BRD1: variants seen among roughly 807,000 people sequenced by gnomAD.
BRD1 encodes bromodomain-containing protein 1.
In BRD1, 24 loss-of-function variants were observed where a neutral mutation model predicts 107.7. The ratio of observed to expected loss-of-function variants is 0.22; its 90% CI spans 0.16 to 0.31. BRD1 has a LOEUF of 0.31. BRD1 is among the 10% of genes least tolerant of loss of function. The pLI is 1.00. For missense variants in BRD1, 1,279 were observed against 1,638.6 expected, an observed-to-expected ratio of 0.78 and a Z score of 3.79; for synonymous variants, 744 against 686.1, an observed-to-expected ratio of 1.08 and a Z score of -1.32.
At chr22:49,776,482 T>C (rs983437402) in intron 10 of BRD1, among the ~76,000 whole-genome samples, 1 of 152,210 alleles carries the variant, frequency 6.6e-6, no homozygotes, top group African/African-American at 2.4e-5. Context: ...GCTCCCAGCA[T>C]GCTCCTGCCT....
intron 9 of BRD1, 130 bp downstream of exon 9, chr22:49,777,548 T>G: frequency 7.7e-7 from 1 of 1,306,088 alleles, no homozygotes; most frequent in Non-Finnish European, 1.0e-6. Flanking sequence ...AGAGCACACA[T>G]GAATCCCAGG....
At chr22:49,781,925 C>A (rs1300898750) in intron 8 of BRD1, among the ~76,000 whole-genome samples, 4 of 152,032 alleles carry the variant, frequency 2.6e-5, no homozygotes, top group Non-Finnish European at 5.9e-5. Context: ...CGACCCAAGG[C>A]CCATGTTGCT....
In BRD1 at chr22:49,791,366, G is replaced by A. The variant is rs115014892; in HGVS notation, c.2359+2668C>T. On this transcript the variant is annotated intron_variant, in intron 7 of 12. Transcript: ENST00000404760. ...AAGTCTCAGGGGCCTGGCACTCAAC[G>A]GCTACAGCCTTGTTCAAGCTGCTTC... Among the ~76,000 whole-genome samples, 1,401 of 152,318 alleles carry A rather than the reference G, an allele frequency of 9.2e-3. 26 individuals carry two copies. The highest frequency in any genetic ancestry group is 0.033 in the African/African-American group (1,354 of 41,566).
At chr22:49,814,606 T>A (rs1185082083) in intron 2 of BRD1, among the ~76,000 whole-genome samples, 1 of 152,222 alleles carries the variant, frequency 6.6e-6, no homozygotes, top group African/African-American at 2.4e-5. Context: ...AGCACCTGGG[T>A]AGTCCCTGCT....
Position 49,823,388 on chromosome 22 carries a change from C to T in BRD1, c.930G>A (p.Glu310=), listed in dbSNP as rs139378359. The T allele has an allele frequency of 1.4e-5, 23 of 1,613,658 alleles. No homozygotes were observed. In the African/African-American group the frequency reaches 2.5e-4, roughly 18 times the overall value. ...EVGFANTVFI[E]PIDGVRNIPP... is the part of the protein sequence containing the mutation. ...GGATGTTCCTCACCCCATCGATGGG[C>T]TCGATGAACACCGTGTTGGCAAAGC... Residue 310 remains glutamate (E), a synonymous_variant, in exon 2 of 13, where the codon GAG becomes GAA. Coordinates refer to ENST00000404760, the MANE Select transcript of BRD1 (RefSeq NM_001304808.3).
Position 49,782,553 on chromosome 22 carries a change from G to C in BRD1, c.2858-4740C>G, listed in dbSNP as rs374578821. 2.4e-4 allele frequency among the ~76,000 whole-genome samples: 35 copies of C among 144,750 alleles called. No individual in the cohort carries two copies. The East Asian group carries it at 6.7e-3, about 28-fold the overall frequency. 95.0% of individuals were successfully genotyped at this position (144,750 alleles called of 152,430 possible). On this transcript the variant is annotated intron_variant, in intron 8 of 12. Coordinates refer to ENST00000404760, the MANE Select transcript of BRD1 (RefSeq NM_001304808.3). The stretch of plus-strand genomic sequence containing the variant: ...CTGGGACGGTCAGAGACAGACCCAA[G>C]GCCCATCGTGCTGGGACTCGCTCCG...
At chr22:49,806,435 G>A (rs571806505) in intron 2 of BRD1, 2 of 152,188 alleles carry the variant, frequency 1.3e-5, no homozygotes, top group Non-Finnish European at 1.5e-5. Flanking sequence ...TGAGCAAGAG[G>A]CTGAAAACCC....
At chr22:49,817,837 G>T (rs1282184119) in intron 2 of BRD1, 1 of 152,442 alleles carries the variant, frequency 6.6e-6, no homozygotes, top group Non-Finnish European at 1.5e-5. Flanking sequence ...TAGAGACAGG[G>T]TCTCACTCTG....
At chr22:49,782,863 G>A (rs973303308) in intron 8 of BRD1, among the ~76,000 whole-genome samples, 5 of 149,948 alleles carry the variant, frequency 3.3e-5, no homozygotes, top group Non-Finnish European at 5.9e-5. Context: ...CCCGCTCCGC[G>A]ACAATGCAGC....
In BRD1 at chr22:49,823,663, T is replaced by C; in HGVS notation, c.655A>G (p.Ile219Val). ...TTCTGACACTCCCCGTCCATGCAGA[T>C]GCAGCACACGGCGTCCTCGTCGATC... is the stretch of plus-strand genomic sequence containing the variant. ...SLIDEDAVCCICMDGECQNSN... is the reference protein window; with the variant it reads ...SLIDEDAVCCVCMDGECQNSN... The change falls in exon 2 of 13, where the codon ATC (isoleucine) becomes GTC (valine). Residue 219 changes from isoleucine to valine, a missense_variant. By Grantham distance (29) the Ile-to-Val change is conservative. Coordinates refer to ENST00000404760, the MANE Select transcript of BRD1 (RefSeq NM_001304808.3). 1 of 1,613,268 alleles carries C rather than the reference T, an allele frequency of 6.2e-7. No individual in the cohort carries two copies. Among genetic ancestry groups the C allele is most frequent in the Non-Finnish European group, 8.5e-7 (1 of 1,179,894 alleles).
chr22:49,826,830 C>G (rs2060152732), intron 1 of BRD1, among the ~76,000 whole-genome samples: 2 of 152,228 alleles, frequency 1.3e-5, no homozygotes, highest in Admixed American at 1.3e-4. Flanking sequence ...CAGGGGGTCC[C>G]GCTGCTACGG....
chr22:49,823,703 G>T lies in BRD1; in HGVS notation c.615C>A (p.Gly205=). The T allele has an allele frequency of 6.2e-7, 1 of 1,613,822 alleles. No homozygotes were observed. The change falls in exon 2 of 13, where the codon GGC becomes GGA. Residue 205 remains glycine, a synonymous_variant. Transcript: ENST00000404760. ...CCTCGTCGATCAGAGACTGCTGCTCGCCCTGCTTCTGGTTCTCGCAGTGCG... is the reference window on the plus strand; with the variant it reads ...CCTCGTCGATCAGAGACTGCTGCTCTCCCTGCTTCTGGTTCTCGCAGTGCG... ...KESHCENQKQ[G]EQQSLIDEDA...
intron 2 of BRD1, among the ~76,000 whole-genome samples, chr22:49,820,137 A>AG (rs1002828257): frequency 3.3e-5 from 5 of 151,946 alleles, no homozygotes; most frequent in East Asian, 1.9e-4. Flanking sequence ...CTCAAAAAAA[A>AG]GGGGGGAAAA....
intron 2 of BRD1, among the ~76,000 whole-genome samples, chr22:49,817,935 C>T (rs1259357573): frequency 2.0e-5 from 3 of 152,158 alleles, no homozygotes; most frequent in African/African-American, 7.2e-5. Context: ...CTCAGCCTTC[C>T]AGTGTTAGGA....
At position 49,804,208 on chromosome 22, in the gene BRD1, T is replaced by C; in HGVS notation, c.1520A>G (p.Gln507Arg). The C allele has an allele frequency of 6.3e-7, 1 of 1,589,680 alleles. No homozygotes were observed. The change falls in exon 3 of 13, where the codon CAG becomes CGG. Residue 507 changes from glutamine to arginine, a missense_variant. Physicochemically the swap from Gln to Arg is conservative, Grantham distance 43 (BLOSUM62 1). Transcript: ENST00000404760. The stretch of plus-strand genomic sequence containing the variant: ...TGGGGGCCACGAGCCACGTACCTGC[T>C]GTGAGCTTCGCTGAGACTGCAGGCT... ...QSSLQSQRSS[Q>R]QRENDEEMKA...
chr22:49,780,213 A>C (rs767811076), intron 8 of BRD1, among the ~76,000 whole-genome samples: 10 of 152,232 alleles, frequency 6.6e-5, no homozygotes, highest in Non-Finnish European at 1.2e-4. Context: ...ACCACTCAGC[A>C]GCCACGACGG....
chr22:49,776,387 G>C (rs1221839888), intron 10 of BRD1, among the ~76,000 whole-genome samples: 1 of 152,148 alleles, frequency 6.6e-6, no homozygotes, highest in Non-Finnish European at 1.5e-5. Flanking sequence ...CGGACCCAGG[G>C]AAGCTCCTGC....
At chr22:49,810,207 G>T (rs912394794) in intron 2 of BRD1, among the ~76,000 whole-genome samples, 2 of 152,150 alleles carry the variant, frequency 1.3e-5, no homozygotes, top group African/African-American at 4.8e-5. Flanking sequence ...ATCAGGTAAA[G>T]GTAGAAATTA....
rs917210804 is a variant in BRD1, at chr22:49,792,552, A to G, written c.2359+1482T>C. Among the ~76,000 whole-genome samples, 1 of 152,224 alleles carries G rather than the reference A, an allele frequency of 6.6e-6. No homozygotes were observed. The highest frequency in any genetic ancestry group is 2.4e-5 in the African/African-American group (1 of 41,458). The stretch of plus-strand genomic sequence containing the variant: ...GCAGAGGAGGGATCACGTGCCAACA[A>G]TAACAGCCTTTGGGAGAAGAGAAAA... On this transcript the variant is annotated intron_variant, in intron 7 of 12. Coordinates refer to ENST00000404760, the MANE Select transcript of BRD1 (RefSeq NM_001304808.3). This position sits in a 1 kb window ranked among gnomAD's most constrained non-coding sequence, Gnocchi z 4.2.
Sources: allele counts gnomAD v4.1 joint callset (sites outside exome capture counted in the v4.1 genomes callset), GRCh38; gene constraint gnomAD v4.1.1; non-coding constraint Gnocchi (gnomAD v3.1); transcripts MANE v1.5; gene names NCBI Gene and HGNC (gene_info 2026-07-23, HGNC 2026-07-21).